CCDC80: variants seen among roughly 807,000 people sequenced by gnomAD.
CCDC80 encodes the protein coiled-coil domain-containing protein 80.
Under a neutral mutation model 78.7 loss-of-function variants are expected in CCDC80, and 49 were observed. The observed-to-expected ratio is 0.62, with a 90% confidence interval of 0.50 to 0.79. The LOEUF (loss-of-function observed/expected upper bound fraction) is 0.79, where lower values mean the gene tolerates loss of function less well. CCDC80 is among the 30% of genes least tolerant of loss of function. CCDC80 has a pLI of 0.00. For missense variants in CCDC80, 1,205 were observed against 1,198.6 expected, an observed-to-expected ratio of 1.01 and a Z score of -0.08; for synonymous variants, 488 against 447.0, an observed-to-expected ratio of 1.09 and a Z score of -1.16.
chr3:112,626,803 C>G (rs1559879423), intron 3 of CCDC80, among the ~76,000 whole-genome samples: 1 of 152,166 alleles, frequency 6.6e-6, no homozygotes, highest in South Asian at 2.1e-4. Context: ...CTACGTCGGC[C>G]TCCCAAAGTA....
chr3:112,638,311 T>G lies in CCDC80; in HGVS notation c.1595A>C (p.Lys532Thr), dbSNP rs1301547661. 1 of 1,614,200 alleles carries G rather than the reference T, an allele frequency of 6.2e-7. No individual in the cohort carries two copies. The highest frequency in any genetic ancestry group is 8.5e-7 in the Non-Finnish European group (1 of 1,180,044). The change falls in exon 2 of 8, where the codon AAA (lysine) becomes ACA (threonine). Residue 532 changes from lysine (K) to threonine (T), a missense_variant. Physicochemically the swap from Lys to Thr is moderately conservative, Grantham distance 78 (BLOSUM62 -1). Transcript: ENST00000206423. ...DELQVGNVPLKKAKESKKHEK... is the reference protein window; with the variant it reads ...DELQVGNVPLTKAKESKKHEK... ...ATGCTTTTTAGACTCCTTTGCTTTT[T>G]TAAGGGGAACATTCCCCACCTGCAG...
chr3:112,639,943 C>T (rs565704974), intron 1 of CCDC80, 27 bp from the exon 2 acceptor site: 1 of 1,573,470 alleles, frequency 6.4e-7, no homozygotes, highest in African/African-American at 1.4e-5. Context: ...GGTCATAAAA[C>T]AAAGGGGAGG....
In CCDC80 at chr3:112,610,020, A is replaced by G; in HGVS notation, c.2383T>C (p.Ser795Pro). 6 of 1,614,128 alleles carry G rather than the reference A, an allele frequency of 3.7e-6. No homozygotes were observed. Among genetic ancestry groups the G allele is most frequent in the Non-Finnish European group, 5.1e-6 (6 of 1,180,024 alleles). ...CCACTGAGGGCAGAGAGCTGCTGTG[A>G]ATAGGCCCAGTCTTCATCGTTAGGA... ...SAPNDEDWAYSQQLSALSGQA... is the reference protein window; with the variant it reads ...SAPNDEDWAYPQQLSALSGQA... The change falls in exon 6 of 8, where the codon TCA (serine) becomes CCA (proline). Residue 795 changes from serine to proline, a missense_variant. By Grantham distance (74) the Ser-to-Pro change is moderately conservative (BLOSUM62 -1). Transcript: ENST00000206423.
chr3:112,601,699 G>T lies in CCDC80; in HGVS notation c.*3718C>A, dbSNP rs200950735. 2 of 134,316 alleles carry T rather than the reference G, an allele frequency of 1.5e-5. No individual in the cohort carries two copies. The highest frequency in any genetic ancestry group is 7.6e-5 in the African/African-American group (2 of 26,486). 8.3% of individuals were successfully genotyped at this position (134,316 alleles called of 1,614,324 possible). On this transcript the variant is annotated 3_prime_UTR_variant, in exon 8 of 8. Transcript: ENST00000206423. ...CTCCAAAAAAAGAAAAAAAAAAAGA[G>T]AAAAAAAAGAAGCAGCAGCAACGAA... is the stretch of plus-strand genomic sequence containing the variant.
At chr3:112,629,900 G>A (rs1263143180) in intron 3 of CCDC80, among the ~76,000 whole-genome samples, 1 of 152,072 alleles carries the variant, frequency 6.6e-6, no homozygotes, top group Non-Finnish European at 1.5e-5. Flanking sequence ...GAGTGTTTGC[G>A]TATTTTTCTT....
intron 3 of CCDC80, among the ~76,000 whole-genome samples, chr3:112,626,811 G>A (rs368110160): frequency 2.0e-5 from 3 of 152,158 alleles, no homozygotes; most frequent in East Asian, 1.9e-4. Context: ...GCCTCCCAAA[G>A]TATTGGGATT....
In CCDC80 at chr3:112,638,347, A is replaced by G. The variant is rs200296261; in HGVS notation, c.1559T>C (p.Leu520Pro). The change falls in exon 2 of 8, where the codon CTG becomes CCG. Residue 520 changes from leucine to proline, a missense_variant. Transcript: ENST00000206423. ...ATTCCCCACCTGCAGCTCGTCCTCC[A>G]GCTGAGAGGCAGTAGGCCGGCTGAG... ...YDLSRPTASQLEDELQVGNVP... is the reference protein window; with the variant it reads ...YDLSRPTASQPEDELQVGNVP... 2.5e-6 allele frequency: 4 copies of G among 1,613,924 alleles called. No individual in the cohort carries two copies. In the East Asian group the frequency reaches 6.7e-5, roughly 27 times the overall value.
At chr3:112,606,326 A>C (rs1935494950) in intron 7 of CCDC80, among the ~76,000 whole-genome samples, 1 of 152,276 alleles carries the variant, frequency 6.6e-6, no homozygotes. Flanking sequence ...TATTTTACAC[A>C]CATTATTTAA....
At chr3:112,631,310 T>C (rs986921478) in intron 2 of CCDC80, among the ~76,000 whole-genome samples, 3 of 152,146 alleles carry the variant, frequency 2.0e-5, no homozygotes, top group African/African-American at 7.2e-5. Flanking sequence ...GTGGGCATAA[T>C]GCTGCTTACC....
At chr3:112,637,236 G>A (rs992116830) in intron 2 of CCDC80, among the ~76,000 whole-genome samples, 2 of 152,108 alleles carry the variant, frequency 1.3e-5, no homozygotes, top group Non-Finnish European at 2.9e-5. Flanking sequence ...CAGAGCCCCC[G>A]GAGAAACTGA....
At chr3:112,631,802 T>C (rs1218634085) in intron 2 of CCDC80, among the ~76,000 whole-genome samples, 1 of 152,184 alleles carries the variant, frequency 6.6e-6, no homozygotes, top group African/African-American at 2.4e-5. Flanking sequence ...CATGACAAAA[T>C]ACTCTCCCTC....
intron 4 of CCDC80, among the ~76,000 whole-genome samples, chr3:112,617,707 T>A (rs1935780472): frequency 6.6e-6 from 1 of 152,270 alleles, no homozygotes. Context: ...ACAGCCTTTT[T>A]TTCCCGTGAA....
At chr3:112,618,122 G>C (rs150280378) in intron 4 of CCDC80, among the ~76,000 whole-genome samples, 89 of 152,306 alleles carry the variant, frequency 5.8e-4, no homozygotes, top group African/African-American at 1.9e-3. Flanking sequence ...CATAAGGAAA[G>C]CACTTGATAA....
At chr3:112,614,784 G>A (rs1203043853) in intron 5 of CCDC80, among the ~76,000 whole-genome samples, 1 of 152,192 alleles carries the variant, frequency 6.6e-6, no homozygotes, top group Non-Finnish European at 1.5e-5. Context: ...TTCTAAAGGA[G>A]CATAAGATAA....
At chr3:112,621,365 C>T (rs189834545) in intron 3 of CCDC80, among the ~76,000 whole-genome samples, 1 of 152,272 alleles carries the variant, frequency 6.6e-6, no homozygotes, top group East Asian at 1.9e-4. Context: ...ACCAAGGCTA[C>T]CCAGGTTAGC....
chr3:112,609,848 A>G, intron 6 of CCDC80, 130 bp downstream of exon 6: 1 of 651,144 alleles, frequency 1.5e-6, no homozygotes, highest in Non-Finnish European at 2.6e-6. Context: ...ATAGTAGAGT[A>G]TGTGTCTGGA....
rs1267233889 is a variant in CCDC80, at chr3:112,640,664, C to T, written c.-349G>A. On this transcript the variant is annotated 5_prime_UTR_variant, in exon 1 of 8. Transcript: ENST00000206423. ...CTCGGTCTCGTGTGTCTGTGTGTGC[C>T]AGTCCCTTGTGCTGACACAGGACGT... 6.6e-6 allele frequency: 1 copy of T among 152,338 alleles called. No homozygotes were observed. The allele number at this position is 152,338 out of a possible 1,614,324, so 9.4% of individuals were successfully genotyped here. A position where few individuals can be genotyped will look rare whatever the true frequency, so the allele number is the denominator to read the frequency against.
intron 5 of CCDC80, among the ~76,000 whole-genome samples, chr3:112,611,636 A>C (rs1935630677): frequency 6.6e-6 from 1 of 152,254 alleles, no homozygotes. Flanking sequence ...TCCCCGACCT[A>C]CTACCCTCAG....
chr3:112,605,798 T>C, intron 7 of CCDC80, 35 bp from the exon 8 acceptor site: 1 of 1,546,582 alleles, frequency 6.5e-7, no homozygotes, highest in East Asian at 2.2e-5. Flanking sequence ...TGTTAGTAGA[T>C]TAAACAGTCA....
Sources: allele counts gnomAD v4.1 joint callset (sites outside exome capture counted in the v4.1 genomes callset), GRCh38; gene constraint gnomAD v4.1.1; transcripts MANE v1.5; gene names NCBI Gene and HGNC (gene_info 2026-07-23, HGNC 2026-07-21).